The following CERS6 variants were observed in gnomAD, a reference collection of about 807,000 sequenced individuals.
The protein encoded by CERS6 is LAG1 homolog, ceramide synthase 6.
A neutral mutation model predicts 56.8 loss-of-function variants in CERS6; 26 were observed. The ratio of observed to expected loss-of-function variants is 0.46; its 90% CI spans 0.34 to 0.63. The LOEUF is 0.63. Among genes scored for constraint, CERS6 ranks in the 30% least tolerant of loss-of-function variants. The pLI is 0.01. For synonymous variants in CERS6, 164 were observed against 173.3 expected, an observed-to-expected ratio of 0.95 and a Z score of 0.42; for missense variants, 415 against 467.5, an observed-to-expected ratio of 0.89 and a Z score of 1.04.
intron 1 of CERS6, among the ~76,000 whole-genome samples, chr2:168,539,608 C>T (rs1305221115): frequency 6.6e-6 from 1 of 152,164 alleles, no homozygotes; most frequent in Admixed American, 6.5e-5. Flanking sequence ...CTCACTCAGG[C>T]ACATGCACAT....
At chr2:168,735,862 C>G (rs1233131920) in intron 8 of CERS6, among the ~76,000 whole-genome samples, 1 of 110,890 alleles carries the variant, frequency 9.0e-6, no homozygotes, top group African/African-American at 3.5e-5. Context: ...GCCTAGGAGA[C>G]AGAAGGAGAC....
chr2:168,533,340 ATTGGAATAGT>A (rs935424445), intron 1 of CERS6, among the ~76,000 whole-genome samples: 78 of 144,178 alleles, frequency 5.4e-4, no homozygotes, highest in African/African-American at 1.6e-3. Context: ...TTTGGAATAG[ATTGGAATAGT>A]TTGGAATAGT....
At chr2:168,697,703 T>C (rs1686695245) in intron 6 of CERS6, among the ~76,000 whole-genome samples, 2 of 152,208 alleles carry the variant, frequency 1.3e-5, no homozygotes, top group Non-Finnish European at 2.9e-5. Context: ...TACATAATCC[T>C]TGCCTTGCCA....
intron 3 of CERS6, among the ~76,000 whole-genome samples, chr2:168,591,696 G>A (rs1683675386): frequency 1.3e-5 from 2 of 152,010 alleles, no homozygotes; most frequent in Non-Finnish European, 2.9e-5. Context: ...TTTCACCTTC[G>A]GGGTGTTCCT....
chr2:168,768,120 A>T (rs1684767874), intron 9 of CERS6, among the ~76,000 whole-genome samples: 1 of 152,162 alleles, frequency 6.6e-6, no homozygotes, highest in Non-Finnish European at 1.5e-5. Context: ...GTTTATGGTA[A>T]TGTATAGATT....
chr2:168,730,720 G>GT (rs145965663), intron 8 of CERS6, among the ~76,000 whole-genome samples: 2,203 of 152,118 alleles, frequency 0.014, 63 homozygotes, highest in African/African-American at 0.05. Context: ...GTACTTTTTT[G>GT]AAAGGACGGC....
At chr2:168,732,473 G>C (rs753084139) in intron 8 of CERS6, among the ~76,000 whole-genome samples, 4 of 152,110 alleles carry the variant, frequency 2.6e-5, no homozygotes, top group African/African-American at 9.7e-5. Flanking sequence ...ATCTAATATA[G>C]TATAACCCTT....
chr2:168,551,211 T>A (rs1695564847), intron 2 of CERS6, among the ~76,000 whole-genome samples: 1 of 152,186 alleles, frequency 6.6e-6, no homozygotes, highest in Non-Finnish European at 1.5e-5. Context: ...GTGAAATTAT[T>A]AATAGCTGAA....
At chr2:168,730,277 A>G (rs543748673) in intron 8 of CERS6, among the ~76,000 whole-genome samples, 1 of 152,364 alleles carries the variant, frequency 6.6e-6, no homozygotes, top group African/African-American at 2.4e-5. Flanking sequence ...TGCTTAGTTT[A>G]TAAAGTGGAT....
rs73973414 is a variant in CERS6, at chr2:168,717,547, A to G, written c.739-325A>G. 4.6e-3 allele frequency among the ~76,000 whole-genome samples: 701 copies of G among 152,320 alleles called. 3 individuals are homozygous for G. Among genetic ancestry groups the G allele is most frequent in the African/African-American group, 0.015 (637 of 41,586 alleles). On this transcript the variant is annotated intron_variant, in intron 7 of 9. Transcript: ENST00000305747. ...TGTCTCTGGCTTGCTAGTATCATCT[A>G]TGATGCAAGAATCTCTTATTTTTCT... is the stretch of plus-strand genomic sequence containing the variant.
intron 1 of CERS6, among the ~76,000 whole-genome samples, chr2:168,467,864 T>G (rs1693908559): frequency 6.6e-6 from 1 of 152,172 alleles, no homozygotes; most frequent in South Asian, 2.1e-4. Context: ...TAAATGGGTA[T>G]ATGTGTGGGG....
chr2:168,489,425 A>C (rs1207490825), intron 1 of CERS6, among the ~76,000 whole-genome samples: 2 of 148,754 alleles, frequency 1.3e-5, no homozygotes, highest in African/African-American at 4.9e-5. Flanking sequence ...TCTTTTAATG[A>C]GTGGGAAGTT....
At chr2:168,706,163 T>G (rs1273779984) in intron 6 of CERS6, among the ~76,000 whole-genome samples, 1 of 152,198 alleles carries the variant, frequency 6.6e-6, no homozygotes, top group Non-Finnish European at 1.5e-5. Flanking sequence ...GAGAGTGTGC[T>G]TTTGATGGGG....
chr2:168,591,012 A>G (rs1337220257), intron 3 of CERS6, among the ~76,000 whole-genome samples: 1 of 152,224 alleles, frequency 6.6e-6, no homozygotes, highest in Non-Finnish European at 1.5e-5. Context: ...TGCTTGCTTC[A>G]ATAGCTATAT....
chr2:168,464,940 G>T (rs1693845023), intron 1 of CERS6, among the ~76,000 whole-genome samples: 2 of 152,204 alleles, frequency 1.3e-5, no homozygotes, highest in East Asian at 1.9e-4. Context: ...TGCACTGTTG[G>T]TGGGAATGTA....
At chr2:168,545,396 C>G (rs1695447848) in intron 1 of CERS6, among the ~76,000 whole-genome samples, 1 of 152,042 alleles carries the variant, frequency 6.6e-6, no homozygotes, top group Non-Finnish European at 1.5e-5. Context: ...TATGCTGTTG[C>G]ATTCATTCTT....
intron 8 of CERS6, among the ~76,000 whole-genome samples, chr2:168,750,094 C>T (rs1323353196): frequency 1.3e-5 from 2 of 152,166 alleles, no homozygotes; most frequent in East Asian, 3.9e-4. Context: ...CACACTGGTG[C>T]GTGTCCTATG....
At chr2:168,568,516 G>C (rs1449056607) in intron 3 of CERS6, among the ~76,000 whole-genome samples, 1 of 152,198 alleles carries the variant, frequency 6.6e-6, no homozygotes, top group Non-Finnish European at 1.5e-5. Context: ...ATTGTAGGGG[G>C]AAAGACTTCA....
intron 4 of CERS6, among the ~76,000 whole-genome samples, chr2:168,647,580 G>A (rs1685236211): frequency 1.3e-5 from 2 of 152,100 alleles, no homozygotes; most frequent in Admixed American, 6.6e-5. Flanking sequence ...AGAGATCCTT[G>A]TCTTGTGCCA....
Sources: allele counts gnomAD v4.1 joint callset (sites outside exome capture counted in the v4.1 genomes callset), GRCh38; gene constraint gnomAD v4.1.1; transcripts MANE v1.5; gene names NCBI Gene and HGNC (gene_info 2026-07-23, HGNC 2026-07-21).